Variants in PLEKHM3 observed in about 807,000 individuals in gnomAD.
PLEKHM3 encodes the protein pleckstrin homology domain-containing family M member 3.
PLEKHM3 carries 45 observed loss-of-function variants against 81.8 expected under a neutral mutation model. The observed-to-expected ratio is 0.55, with a 90% CI of 0.43 to 0.71. The LOEUF is 0.71. Ranked by LOEUF, PLEKHM3 falls within the 30% of genes least tolerant of loss-of-function variation. PLEKHM3 has a pLI of 0.00. For synonymous variants in PLEKHM3, 352 were observed against 356.4 expected, an observed-to-expected ratio of 0.99 and a Z score of 0.14; for missense variants, 788 against 924.3, an observed-to-expected ratio of 0.85 and a Z score of 1.91.
chr2:207,948,607 G>A (rs150222310), intron 3 of PLEKHM3, among the ~76,000 whole-genome samples: 5,813 of 145,802 alleles, frequency 0.04, 354 homozygotes, highest in African/African-American at 0.14. Flanking sequence ...GCGGTGGCGC[G>A]ATTTCGGCTC....
chr2:207,957,533 C>T (rs1472016355), intron 3 of PLEKHM3, among the ~76,000 whole-genome samples: 1 of 152,112 alleles, frequency 6.6e-6, no homozygotes, highest in Non-Finnish European at 1.5e-5. Context: ...TTTGTCTCTA[C>T]TAAAAATACT....
intron 7 of PLEKHM3, among the ~76,000 whole-genome samples, chr2:207,858,136 A>ATATGTGTG (rs1553544952): frequency 7.9e-6 from 1 of 126,964 alleles, no homozygotes; most frequent in South Asian, 2.6e-4. Flanking sequence ...TCATATAGAT[A>ATATGTGTG]TGTGTGTGTG....
intron 3 of PLEKHM3, among the ~76,000 whole-genome samples, chr2:207,970,943 A>G (rs1423025138): frequency 1.3e-5 from 2 of 152,234 alleles, no homozygotes; most frequent in Non-Finnish European, 2.9e-5. Context: ...GCAGCCAAGG[A>G]GTAAAACCAT....
Position 207,976,521 on chromosome 2 carries a change from G to A in PLEKHM3, c.1546+130C>T, listed in dbSNP as rs111249673. ...GATGTTTTAATACAGTAAGCTTCTC[G>A]AGGAGAGATACTTTTTATAAACAGG... On this transcript the variant is annotated intron_variant, in intron 3 of 7. Coordinates refer to ENST00000427836, the MANE Select transcript of PLEKHM3 (RefSeq NM_001080475.3). The surrounding 1 kb of genome is among the most constrained non-coding windows in gnomAD (Gnocchi z 4.1). 1.4e-4 allele frequency: 119 copies of A among 867,850 alleles called. No homozygotes were observed. Among genetic ancestry groups the A allele is most frequent in the African/African-American group, 8.3e-4 (49 of 58,720 alleles). 53.8% of individuals were successfully genotyped at this position (867,850 alleles called of 1,614,324 possible).
chr2:207,925,367 C>T (rs1414510712), intron 5 of PLEKHM3, among the ~76,000 whole-genome samples: 1 of 152,152 alleles, frequency 6.6e-6, no homozygotes, highest in Non-Finnish European at 1.5e-5. Flanking sequence ...TCTTGGATGC[C>T]TCCAGGCTCA....
intron 2 of PLEKHM3, among the ~76,000 whole-genome samples, chr2:207,980,641 T>G (rs1691489298): frequency 6.6e-6 from 1 of 152,168 alleles, no homozygotes; most frequent in African/African-American, 2.4e-5. Context: ...TTATCATGAC[T>G]CACTGCAGCC....
chr2:207,835,943 T>C (rs2092316686), intron 7 of PLEKHM3, among the ~76,000 whole-genome samples: 1 of 152,212 alleles, frequency 6.6e-6, no homozygotes, highest in Admixed American at 6.5e-5. Flanking sequence ...GAAATATGTT[T>C]GTGTTTTAAC....
At chr2:208,005,829 G>T (rs777508989) in intron 1 of PLEKHM3, among the ~76,000 whole-genome samples, 1 of 152,178 alleles carries the variant, frequency 6.6e-6, no homozygotes, top group South Asian at 2.1e-4. Context: ...GCATGTGCAT[G>T]CGTTGAACAA....
At chr2:207,979,866 C>T (rs1691463284) in intron 2 of PLEKHM3, among the ~76,000 whole-genome samples, 1 of 152,198 alleles carries the variant, frequency 6.6e-6, no homozygotes, top group Non-Finnish European at 1.5e-5. Flanking sequence ...ATCTCTGGTC[C>T]TGACATTCAT....
chr2:207,840,332 A>C (rs1473490731), intron 7 of PLEKHM3, among the ~76,000 whole-genome samples: 1 of 152,038 alleles, frequency 6.6e-6, no homozygotes, highest in Non-Finnish European at 1.5e-5. Context: ...CTAGGACTAC[A>C]AGTGTGTGCC....
chr2:207,882,268 A>G (rs115319035), intron 6 of PLEKHM3, among the ~76,000 whole-genome samples: 1 of 152,184 alleles, frequency 6.6e-6, no homozygotes, highest in African/African-American at 2.4e-5. Flanking sequence ...CCATGGTCAG[A>G]GTTGTTCTTT....
intron 7 of PLEKHM3, among the ~76,000 whole-genome samples, chr2:207,860,151 CTGTGTGTGTGTGTGTGTG>C (rs55739776): frequency 8.9e-4 from 99 of 110,758 alleles, no homozygotes; most frequent in African/African-American, 3.2e-3. Context: ...AACTCTGCCT[CTGTGTGTGTGTGTGTGTG>C]TGTGTGTGTG....
chr2:207,936,591 G>C (rs1482235668), intron 4 of PLEKHM3, among the ~76,000 whole-genome samples: 1 of 152,118 alleles, frequency 6.6e-6, no homozygotes, highest in Admixed American at 6.6e-5. Flanking sequence ...CAGGGGAAGA[G>C]AGGCACCTAC....
rs544929580 is a variant in PLEKHM3 at position 207,977,247 on chromosome 2, C to T, written c.950G>A (p.Arg317Gln). The change falls in exon 3 of 8, where the codon CGG becomes CAG. Residue 317 changes from arginine (R) to glutamine (Q), a missense_variant. Transcript: ENST00000427836. ...VHAAVPGYMG[R>Q]QNELTISPGL... ...TGGTGAGATTGTCAGCTCATTCTGC[C>T]GCCCCATGTAACCGGGCACAGCAGC... The T allele has an allele frequency of 1.3e-4, 205 of 1,614,134 alleles. 6 individuals carry two copies. In the Middle Eastern group the frequency reaches 1.5e-3, roughly 12 times the overall value.
At chr2:207,880,780 A>AAAAAAAAAAAAAAAAAAAAC (rs1559219087) in intron 6 of PLEKHM3, among the ~76,000 whole-genome samples, 1 of 136,454 alleles carries the variant, frequency 7.3e-6, no homozygotes, top group African/African-American at 2.8e-5. Context: ...AAAAAAAAAA[A>AAAAAAAAAAAAAAAAAAAAC]AAAAAAAACC....
chr2:207,908,511 T>C lies in PLEKHM3; in HGVS notation c.1950+3A>G. The stretch of plus-strand genomic sequence containing the variant: ...AAATGAAACAGCCCCTCTGAGCACT[T>C]ACCTGCTGCAGGTCGGCAAGTGAAT... On this transcript the variant is annotated splice_donor_region_variant and intron_variant, in intron 6 of 7. Coordinates refer to ENST00000427836, the MANE Select transcript of PLEKHM3 (RefSeq NM_001080475.3). 1 of 1,610,502 alleles carries C rather than the reference T, an allele frequency of 6.2e-7. No homozygotes were observed. Among genetic ancestry groups the C allele is most frequent in the Middle Eastern group, 1.7e-4 (1 of 6,052 alleles).
intron 6 of PLEKHM3, among the ~76,000 whole-genome samples, chr2:207,892,452 T>C (rs1228946319): frequency 6.6e-6 from 1 of 152,216 alleles, no homozygotes; most frequent in Non-Finnish European, 1.5e-5. Context: ...GGTAATAAAA[T>C]TGCAGTTGAG....
At chr2:207,966,792 A>T (rs528992253) in intron 3 of PLEKHM3, among the ~76,000 whole-genome samples, 43 of 152,064 alleles carry the variant, frequency 2.8e-4, no homozygotes, top group African/African-American at 9.9e-4. Context: ...TGACCTCGTG[A>T]TCCACCCACC....
intron 2 of PLEKHM3, among the ~76,000 whole-genome samples, chr2:207,999,761 G>T (rs1049991502): frequency 6.6e-6 from 1 of 152,168 alleles, no homozygotes; most frequent in Non-Finnish European, 1.5e-5. Context: ...ATTTGAAAAA[G>T]ATGAATTTCA....
Sources: allele counts gnomAD v4.1 joint callset (sites outside exome capture counted in the v4.1 genomes callset), GRCh38; gene constraint gnomAD v4.1.1; non-coding constraint Gnocchi (gnomAD v3.1); transcripts MANE v1.5; gene names NCBI Gene and HGNC (gene_info 2026-07-23, HGNC 2026-07-21).